CNBD1: variants seen among roughly 807,000 people sequenced by gnomAD.
The protein encoded by CNBD1 is cyclic nucleotide-binding domain-containing protein 1.
A neutral mutation model predicts 54.4 loss-of-function variants in CNBD1; 71 were observed. That is an observed-to-expected ratio of 1.30 (90% CI 1.08 to 1.59). The LOEUF is 1.59. CNBD1 is among the 40% of genes most tolerant of loss of function. CNBD1 has a pLI of 0.00. For synonymous variants in CNBD1, 182 were observed against 170.7 expected (o/e 1.07, Z -0.51); for missense variants, 659 against 518.0 (o/e 1.27, Z -2.64).
At chr8:86,868,810 C>A (rs1179710539) in intron 1 of CNBD1, among the ~76,000 whole-genome samples, 3 of 152,038 alleles carry the variant, frequency 2.0e-5, no homozygotes, top group African/African-American at 7.2e-5. Context: ...ATAGGTTATA[C>A]TACATGTTAG....
At chr8:87,192,378 C>T (rs1165962838) in intron 4 of CNBD1, among the ~76,000 whole-genome samples, 1 of 152,140 alleles carries the variant, frequency 6.6e-6, no homozygotes, top group Non-Finnish European at 1.5e-5. Flanking sequence ...CCTGCCCTAA[C>T]TCAATTAGCC....
intron 2 of CNBD1, among the ~76,000 whole-genome samples, chr8:87,406,479 CT>C (rs1214001647): frequency 0.019 from 1,540 of 82,618 alleles, 10 homozygotes; most frequent in African/African-American, 0.039. Context: ...CACACACACA[CT>C]TTTTTTTTTT....
At chr8:86,970,652 T>C (rs1181968824) in intron 4 of CNBD1, among the ~76,000 whole-genome samples, 1 of 151,916 alleles carries the variant, frequency 6.6e-6, no homozygotes, top group Non-Finnish European at 1.5e-5. Context: ...TTGCCATCTT[T>C]AAGTTCCTAT....
At chr8:87,282,490 TA>T (rs929292087) in intron 6 of CNBD1, among the ~76,000 whole-genome samples, 1 of 151,798 alleles carries the variant, frequency 6.6e-6, no homozygotes, top group African/African-American at 2.4e-5. Context: ...CTATTTCAAG[TA>T]AATAAAGAAT....
intron 2 of CNBD1, among the ~76,000 whole-genome samples, chr8:87,412,721 C>T (rs1411983404): frequency 6.6e-6 from 1 of 152,058 alleles, no homozygotes; most frequent in East Asian, 1.9e-4. Flanking sequence ...AACATAGTCA[C>T]AGGAGCCTCT....
chr8:87,318,058 CATTTT>C (rs769779331), intron 8 of CNBD1, among the ~76,000 whole-genome samples: 1 of 151,890 alleles, frequency 6.6e-6, no homozygotes, highest in African/African-American at 2.4e-5. Context: ...TAATTTGACT[CATTTT>C]ATATTATGTT....
At chr8:86,896,594 T>G (rs951722127) in intron 2 of CNBD1, among the ~76,000 whole-genome samples, 4 of 152,204 alleles carry the variant, frequency 2.6e-5, no homozygotes, top group African/African-American at 9.6e-5. Context: ...TGATTCCTTT[T>G]TCATTTGTGT....
Position 87,309,971 on chromosome 8 carries a change from C to T in CNBD1, c.1042+23300C>T, listed in dbSNP as rs951000111. Among the ~76,000 whole-genome samples the T allele has an allele frequency of 2.0e-5, 3 of 152,110 alleles. 1 individual carries two copies. The highest frequency in any genetic ancestry group is 1.5e-5 in the Non-Finnish European group (1 of 68,030). On this transcript the variant is annotated intron_variant, in intron 8 of 10. Coordinates refer to ENST00000518476, the MANE Select transcript of CNBD1 (RefSeq NM_173538.3). ...TTTGCCACCAGTCCCTGATAAATGA[C>T]TTCAGTAGAGTTTCAAGATACAAAA... is the stretch of plus-strand genomic sequence containing the variant.
intron 8 of CNBD1, among the ~76,000 whole-genome samples, chr8:87,344,288 TA>T (rs1327832143): frequency 6.6e-6 from 1 of 152,030 alleles, no homozygotes; most frequent in Non-Finnish European, 1.5e-5. Context: ...AGATTAAGGG[TA>T]AAATAATAGT....
chr8:87,277,778 G>A (rs1425460286), intron 6 of CNBD1, among the ~76,000 whole-genome samples: 1 of 151,536 alleles, frequency 6.6e-6, no homozygotes, highest in Non-Finnish European at 1.5e-5. Flanking sequence ...AGAGAAAGAT[G>A]ACATAGCTAG....
At chr8:87,067,388 T>G (rs1810675937) in intron 4 of CNBD1, among the ~76,000 whole-genome samples, 1 of 152,008 alleles carries the variant, frequency 6.6e-6, no homozygotes, top group South Asian at 2.1e-4. Context: ...GGCAGCCTTT[T>G]GACTTTGCTA....
At chr8:87,419,954 TTA>T (rs1380013201) in intron 2 of CNBD1, among the ~76,000 whole-genome samples, 2 of 148,290 alleles carry the variant, frequency 1.3e-5, no homozygotes, top group Admixed American at 6.8e-5. Flanking sequence ...AAAATATATA[TTA>T]TATATATATT....
At chr8:87,248,259 C>A (rs1807846472) in intron 6 of CNBD1, among the ~76,000 whole-genome samples, 1 of 152,168 alleles carries the variant, frequency 6.6e-6, no homozygotes, top group Non-Finnish European at 1.5e-5. Flanking sequence ...TCTGCTATTT[C>A]ATCAATTCAT....
At chr8:86,885,212 G>A (rs946302746) in intron 1 of CNBD1, among the ~76,000 whole-genome samples, 8 of 152,074 alleles carry the variant, frequency 5.3e-5, no homozygotes, top group Admixed American at 2.6e-4. Context: ...CACATATGAA[G>A]ATATATCTAC....
chr8:87,112,379 C>T (rs1811681808), intron 4 of CNBD1, among the ~76,000 whole-genome samples: 1 of 152,132 alleles, frequency 6.6e-6, no homozygotes, highest in Non-Finnish European at 1.5e-5. Flanking sequence ...GCTGTGAATC[C>T]TGCCTTCTCT....
At chr8:87,382,227 A>T (rs1176532026) in intron 10 of CNBD1, among the ~76,000 whole-genome samples, 1 of 152,008 alleles carries the variant, frequency 6.6e-6, no homozygotes, top group African/African-American at 2.4e-5. Flanking sequence ...AATTCTAGCT[A>T]ACTGGTTAGA....
intron 4 of CNBD1, 137 bp downstream of exon 4, chr8:86,939,891 A>G: frequency 1.9e-6 from 1 of 512,938 alleles, no homozygotes; most frequent in Admixed American, 3.8e-5. Context: ...AGAGATGGAC[A>G]CACTGGAGAC....
chr8:86,905,521 G>A (rs1222906143), intron 3 of CNBD1, among the ~76,000 whole-genome samples: 2 of 152,148 alleles, frequency 1.3e-5, no homozygotes, highest in African/African-American at 4.8e-5. Flanking sequence ...CAATGGAAAT[G>A]ATTAGAGTGT....
At position 87,135,418 on chromosome 8, in the gene CNBD1, T is replaced by G. The variant is rs77802251; in HGVS notation, c.432-70575T>G. On this transcript the variant is annotated intron_variant, in intron 4 of 10. Transcript: ENST00000518476. ...CTTTTCCTTGCTTTAACAAATTTCA[T>G]GTAGATATTGCTTTAGCAAATGTCA... Among the ~76,000 whole-genome samples the G allele has an allele frequency of 2.8e-3, 421 of 151,698 alleles. 4 individuals carry two copies. Among genetic ancestry groups the G allele is most frequent in the African/African-American group, 9.5e-3 (393 of 41,482 alleles).
Sources: allele counts gnomAD v4.1 joint callset (sites outside exome capture counted in the v4.1 genomes callset), GRCh38; gene constraint gnomAD v4.1.1; transcripts MANE v1.5; gene names NCBI Gene and HGNC (gene_info 2026-07-23, HGNC 2026-07-21).